Variants in CTNND2 observed in about 807,000 individuals in gnomAD.
CTNND2 encodes the protein catenin delta 2, also known as catenin delta-2.
A neutral mutation model predicts 144.4 loss-of-function variants in CTNND2; 22 were observed. That is an observed-to-expected ratio of 0.15 (90% CI 0.11 to 0.22). CTNND2 has a LOEUF of 0.22. Among genes scored for constraint, CTNND2 ranks in the 10% least tolerant of loss-of-function variants. CTNND2 has a pLI of 1.00. For missense variants in CTNND2, 1,353 were observed against 1,618.8 expected (o/e 0.84, Z 2.82); for synonymous variants, 751 against 695.6 (o/e 1.08, Z -1.25).
intron 2 of CTNND2, among the ~76,000 whole-genome samples, chr5:11,577,287 G>A (rs962093889): frequency 6.6e-6 from 1 of 152,362 alleles, no homozygotes. Context: ...GAATGACGCA[G>A]TCAGGGAAGA....
chr5:11,719,918 T>C (rs1293033395), intron 2 of CTNND2, among the ~76,000 whole-genome samples: 2 of 151,940 alleles, frequency 1.3e-5, no homozygotes, highest in Non-Finnish European at 2.9e-5. Context: ...TAGTATCCTA[T>C]GTTTCATATG....
At chr5:11,499,817 T>C (rs189466409) in intron 3 of CTNND2, among the ~76,000 whole-genome samples, 48 of 152,304 alleles carry the variant, frequency 3.2e-4, no homozygotes, top group Admixed American at 3.0e-3. Flanking sequence ...TACTTAATAG[T>C]ACCTTCCTAA....
At chr5:11,660,929 A>G (rs893570425) in intron 2 of CTNND2, among the ~76,000 whole-genome samples, 1 of 152,204 alleles carries the variant, frequency 6.6e-6, no homozygotes, top group Non-Finnish European at 1.5e-5. Flanking sequence ...GGAAACTTTT[A>G]AAGAAGAATG....
Position 11,042,021 on chromosome 5 carries a change from CAGAATAGAGAAACTTATG to C in CTNND2, c.2789-19060_2789-19043del, listed in dbSNP as rs534004171. On this transcript the variant is annotated intron_variant, in intron 16 of 21. Coordinates refer to ENST00000304623, the MANE Select transcript of CTNND2 (RefSeq NM_001332.4). ...TAAGCACAGGTTTTGCCAAACTTAT[CAGAATAGAGAAACTTATG>C]AGAATAGAGAAACTTATCAGAATAG... Among the ~76,000 whole-genome samples, 1,329 of 152,244 alleles carry C rather than the reference CAGAATAGAGAAACTTATG, an allele frequency of 8.7e-3. 14 individuals are homozygous for C. The highest frequency in any genetic ancestry group is 0.031 in the African/African-American group (1,275 of 41,538).
chr5:11,475,046 T>A (rs186620487), intron 3 of CTNND2, among the ~76,000 whole-genome samples: 1 of 152,338 alleles, frequency 6.6e-6, no homozygotes, highest in African/African-American at 2.4e-5. Context: ...ATCAGACTTC[T>A]CAAGAAAGTC....
At chr5:11,723,109 A>G (rs2126721691) in intron 2 of CTNND2, among the ~76,000 whole-genome samples, 1 of 152,302 alleles carries the variant, frequency 6.6e-6, no homozygotes, top group East Asian at 1.9e-4. Flanking sequence ...ATTTTCAACA[A>G]ATATGATAAA....
At chr5:11,451,486 T>C (rs1277146122) in intron 3 of CTNND2, among the ~76,000 whole-genome samples, 1 of 152,132 alleles carries the variant, frequency 6.6e-6, no homozygotes, top group Non-Finnish European at 1.5e-5. Flanking sequence ...TCTGAAATGC[T>C]CTAAAATTTG....
chr5:11,580,820 C>T (rs941115039), intron 2 of CTNND2, among the ~76,000 whole-genome samples: 1 of 152,136 alleles, frequency 6.6e-6, no homozygotes, highest in Non-Finnish European at 1.5e-5. Context: ...GTGAGACTGA[C>T]TTTTTCACTG....
chr5:10,995,054 G>A (rs982735529), intron 18 of CTNND2, among the ~76,000 whole-genome samples: 4 of 152,146 alleles, frequency 2.6e-5, no homozygotes, highest in Non-Finnish European at 5.9e-5. Flanking sequence ...TGCCTCATGG[G>A]GACGTATATG....
chr5:11,719,142 T>C (rs929043748), intron 2 of CTNND2, among the ~76,000 whole-genome samples: 2 of 152,174 alleles, frequency 1.3e-5, no homozygotes, highest in Non-Finnish European at 2.9e-5. Flanking sequence ...ACCAAGGCCG[T>C]TCAGTAAGAA....
chr5:11,737,496 T>C (rs1470317182), intron 1 of CTNND2, among the ~76,000 whole-genome samples: 1 of 152,176 alleles, frequency 6.6e-6, no homozygotes. Flanking sequence ...AGAACAGCCC[T>C]AAATTTCGGG....
At chr5:11,710,467 G>A (rs990615195) in intron 2 of CTNND2, among the ~76,000 whole-genome samples, 5 of 151,286 alleles carry the variant, frequency 3.3e-5, no homozygotes, top group Non-Finnish European at 7.4e-5. Context: ...TTGAAACCAG[G>A]AGGTGGAGGT....
intron 2 of CTNND2, among the ~76,000 whole-genome samples, chr5:11,571,713 G>A (rs914254243): frequency 6.6e-6 from 1 of 152,032 alleles, no homozygotes; most frequent in Non-Finnish European, 1.5e-5. Flanking sequence ...ATTGGTCTAC[G>A]ATTTAACTCA....
chr5:11,588,677 T>C (rs894835744), intron 2 of CTNND2: 14 of 784,652 alleles, frequency 1.8e-5, no homozygotes, highest in Non-Finnish European at 2.2e-5. Flanking sequence ...AAAAACAACA[T>C]TCATAATGAA....
At chr5:11,028,282 G>A (rs763579697) in intron 16 of CTNND2, among the ~76,000 whole-genome samples, 38 of 152,190 alleles carry the variant, frequency 2.5e-4, no homozygotes, top group Non-Finnish European at 5.3e-4. Context: ...GGTTTAAGTA[G>A]TTCTATGGCC....
chr5:11,014,922 CA>C (rs893088405), intron 18 of CTNND2, among the ~76,000 whole-genome samples: 3 of 152,180 alleles, frequency 2.0e-5, no homozygotes, highest in African/African-American at 7.2e-5. Flanking sequence ...AATGCCTCTC[CA>C]GATTTGGTCT....
At chr5:11,490,869 T>C (rs963837452) in intron 3 of CTNND2, among the ~76,000 whole-genome samples, 1 of 152,266 alleles carries the variant, frequency 6.6e-6, no homozygotes, top group Non-Finnish European at 1.5e-5. Flanking sequence ...ACCCCTGTAA[T>C]CCCAACACTT....
chr5:11,554,533 C>A (rs550118716), intron 3 of CTNND2, among the ~76,000 whole-genome samples: 1 of 149,630 alleles, frequency 6.7e-6, no homozygotes, highest in African/African-American at 2.5e-5. Context: ...AATGTTCTAT[C>A]TACAAAATAA....
intron 1 of CTNND2, among the ~76,000 whole-genome samples, chr5:11,787,399 G>C (rs1429931244): frequency 6.6e-6 from 1 of 152,122 alleles, no homozygotes; most frequent in East Asian, 1.9e-4. Context: ...TGACTTACTA[G>C]AAACTATATT....
Sources: gnomAD v4.1 joint callset for allele counts (sites outside exome capture counted in the v4.1 genomes callset) on GRCh38, gnomAD v4.1.1 for gene constraint, MANE v1.5 for transcripts, NCBI Gene and HGNC (gene_info 2026-07-23, HGNC 2026-07-21) for gene names.